Variants in ENTPD5 observed in about 807,000 individuals in gnomAD.
ENTPD5 encodes ectonucleoside triphosphate diphosphohydrolase 5 (inactive), also known as nucleoside diphosphate phosphatase ENTPD5.
ENTPD5 carries 49 observed loss-of-function variants against 60.2 expected under a neutral mutation model. The ratio of observed to expected loss-of-function variants is 0.81; its 90% CI spans 0.65 to 1.03. ENTPD5 has a LOEUF of 1.03. ENTPD5 is among the 50% of genes least tolerant of loss of function. The pLI is 0.00. For missense variants in ENTPD5, 480 were observed against 507.6 expected (o/e 0.95, Z 0.52); for synonymous variants, 187 against 185.4 (o/e 1.01, Z -0.07).
At chr14:73,973,349 G>A (rs181889019) in intron 12 of ENTPD5, among the ~76,000 whole-genome samples, 1 of 152,310 alleles carries the variant, frequency 6.6e-6, no homozygotes, top group Non-Finnish European at 1.5e-5. Context: ...TGGGAATTCA[G>A]GTTCATTCCT....
chr14:73,961,921 G>GGA, downstream of ENTPD5: 2 of 1,613,898 alleles, frequency 1.2e-6, no homozygotes, highest in East Asian at 2.2e-5. Context: ...GTTGCTCAGA[G>GGA]GAATGACTTT....
At chr14:74,001,175 T>C (rs1263228987) in intron 3 of ENTPD5, among the ~76,000 whole-genome samples, 2 of 151,106 alleles carry the variant, frequency 1.3e-5, no homozygotes, top group African/African-American at 4.9e-5. Flanking sequence ...CTGGGCAACA[T>C]AGTGAAATGC....
intron 3 of ENTPD5, among the ~76,000 whole-genome samples, chr14:73,994,137 T>G (rs965602134): frequency 6.6e-6 from 1 of 152,054 alleles, no homozygotes; most frequent in Non-Finnish European, 1.5e-5. Context: ...CTTTATTTAT[T>G]TATTTTGAGA....
intron 6 of ENTPD5, among the ~76,000 whole-genome samples, chr14:73,980,567 AT>A (rs563519144): frequency 1.3e-5 from 2 of 151,636 alleles, no homozygotes; most frequent in African/African-American, 4.8e-5. Context: ...CCGGGACTTA[AT>A]TTTTTTTGTA....
chr14:73,987,043 T>C, intron 4 of ENTPD5, 150 bp from the exon 5 acceptor site: 1 of 729,982 alleles, frequency 1.4e-6, no homozygotes, highest in Non-Finnish European at 2.5e-6. Flanking sequence ...CTTGCAGGAG[T>C]ACTGGAAAGA....
Position 73,974,952 on chromosome 14 carries a change from T to C in ENTPD5, c.756A>G (p.Leu252=). ...CTGTCTCCAGGGCTCCCAGGGTTGCTAGTCTTGCAGCTTTCAATCCAAATC... is the reference window on the plus strand; with the variant it reads ...CTGTCTCCAGGGCTCCCAGGGTTGCCAGTCTTGCAGCTTTCAATCCAAATC... The part of the protein sequence containing the change: ...YLGFGLKAAR[L]ATLGALETEG... The change falls in exon 11 of 16, where the codon CTA becomes CTG. Residue 252 remains leucine (L), a synonymous_variant. Coordinates refer to ENST00000334696, the MANE Select transcript of ENTPD5 (RefSeq NM_001249.5). 1 of 1,613,800 alleles carries C rather than the reference T, an allele frequency of 6.2e-7. No homozygotes were observed. The highest frequency in any genetic ancestry group is 8.5e-7 in the Non-Finnish European group (1 of 1,179,716).
At chr14:73,994,151 A>C (rs2058250576) in intron 3 of ENTPD5, among the ~76,000 whole-genome samples, 1 of 151,932 alleles carries the variant, frequency 6.6e-6, no homozygotes, top group Non-Finnish European at 1.5e-5. Flanking sequence ...TTTGAGATGG[A>C]GTTTCACTCT....
intron 3 of ENTPD5, among the ~76,000 whole-genome samples, chr14:73,991,620 A>AAC (rs1348566896): frequency 1.5e-5 from 2 of 131,766 alleles, no homozygotes; most frequent in African/African-American, 5.2e-5. Flanking sequence ...AAAAAAAAAA[A>AAC]AAAAAACAAT....
At chr14:74,001,788 AG>A (rs2140789517) in intron 3 of ENTPD5, among the ~76,000 whole-genome samples, 1 of 148,834 alleles carries the variant, frequency 6.7e-6, no homozygotes, top group East Asian at 2.3e-4. Context: ...GTGGAGGCTG[AG>A]GTGAACTGTG....
At chr14:73,985,896 AC>A (rs754636134) in intron 5 of ENTPD5, among the ~76,000 whole-genome samples, 3 of 151,558 alleles carry the variant, frequency 2.0e-5, no homozygotes, top group Non-Finnish European at 4.4e-5. Flanking sequence ...TCATAGTGAA[AC>A]CCCGTCTCTA....
chr14:73,961,590 G>T, downstream of ENTPD5: 1 of 1,612,632 alleles, frequency 6.2e-7, no homozygotes, highest in Non-Finnish European at 8.5e-7. Context: ...CAGATACTAT[G>T]GGGAAGTATC....
At chr14:73,980,869 G>A (rs865842709) in intron 6 of ENTPD5, among the ~76,000 whole-genome samples, 45 of 152,012 alleles carry the variant, frequency 3.0e-4, no homozygotes, top group African/African-American at 9.9e-4. Flanking sequence ...AGGCTGAGGC[G>A]GGCAGATCAC....
At chr14:74,011,834 G>A (rs1209527278) in intron 2 of ENTPD5, among the ~76,000 whole-genome samples, 1 of 152,044 alleles carries the variant, frequency 6.6e-6, no homozygotes, top group Non-Finnish European at 1.5e-5. Context: ...TTACATGCAC[G>A]AGTATGTGGT....
In ENTPD5 at chr14:73,979,472, C is replaced by CTTT. The variant is rs535777164; in HGVS notation, c.442-2101_442-2099dup. On this transcript the variant is annotated intron_variant, in intron 6 of 15. Coordinates refer to ENST00000334696, the MANE Select transcript of ENTPD5 (RefSeq NM_001249.5). ...ACCAGTACCCAGTACATAGTAAGCA[C>CTTT]TTTTTTTTTTTTTTTTTGAGACAGA... Among the ~76,000 whole-genome samples, 6 of 137,672 alleles carry CTTT rather than the reference C, an allele frequency of 4.4e-5. No individual in the cohort carries two copies. In the South Asian group the frequency reaches 6.8e-4, roughly 16 times the overall value. The allele number at this position is 137,672 out of a possible 152,430, so 90.3% of individuals were successfully genotyped here.
intron 3 of ENTPD5, among the ~76,000 whole-genome samples, chr14:73,990,615 CA>C (rs2058091597): frequency 6.6e-6 from 1 of 152,094 alleles, no homozygotes; most frequent in Non-Finnish European, 1.5e-5. Flanking sequence ...AGGCATGAGC[CA>C]CTTCACCCAG....
chr14:73,986,734 G>C, intron 5 of ENTPD5, 80 bp downstream of exon 5: 1 of 954,958 alleles, frequency 1.0e-6, no homozygotes, highest in Non-Finnish European at 1.7e-6. Context: ...TTAGTGAATA[G>C]CATGAAATAT....
intron 3 of ENTPD5, among the ~76,000 whole-genome samples, chr14:74,000,429 C>T (rs903921651): frequency 3.3e-5 from 5 of 151,520 alleles, no homozygotes; most frequent in Non-Finnish European, 7.4e-5. Flanking sequence ...CACTGTACTC[C>T]AGCCTGGGTG....
At chr14:74,001,049 T>C (rs1215876921) in intron 3 of ENTPD5, among the ~76,000 whole-genome samples, 1 of 151,968 alleles carries the variant, frequency 6.6e-6, no homozygotes, top group Non-Finnish European at 1.5e-5. Flanking sequence ...AGTGAGACCC[T>C]ATCCGTATAA....
chr14:73,976,484 A>G, intron 8 of ENTPD5, 72 bp from the exon 9 acceptor site: 1 of 1,195,586 alleles, frequency 8.4e-7, no homozygotes, highest in East Asian at 2.3e-5. Flanking sequence ...TCTTGCTCTT[A>G]TCATACACTG....
Sources: allele counts gnomAD v4.1 joint callset (sites outside exome capture counted in the v4.1 genomes callset), GRCh38; gene constraint gnomAD v4.1.1; transcripts MANE v1.5; gene names NCBI Gene and HGNC (gene_info 2026-07-23, HGNC 2026-07-21).